Variants in SRGAP2 observed in about 807,000 individuals in gnomAD.
SRGAP2 encodes the protein SLIT-ROBO Rho GTPase-activating protein 2.
SRGAP2 carries 15 observed loss-of-function variants against 57.2 expected under a neutral mutation model. That is an observed-to-expected ratio of 0.26 (90% CI 0.18 to 0.40). The LOEUF (loss-of-function observed/expected upper bound fraction) is 0.40. Ranked by LOEUF, SRGAP2 falls within the 10% of genes least tolerant of loss-of-function variation. The pLI, the probability that SRGAP2 is intolerant of heterozygous loss-of-function variation, is 1.00. For synonymous variants in SRGAP2, 249 were observed against 248.0 expected, an observed-to-expected ratio of 1.00 and a Z score of -0.04; for missense variants, 520 against 669.6, an observed-to-expected ratio of 0.78 and a Z score of 2.47.
At chr1:206,281,286 GT>G (rs1197011213) in intron 2 of SRGAP2, among the ~76,000 whole-genome samples, 1 of 142,692 alleles carries the variant, frequency 7.0e-6, no homozygotes, top group Non-Finnish European at 1.5e-5. Context: ...TGGGATATGG[GT>G]TTTTTTTTCT....
At chr1:206,290,676 G>GT (rs1391363571) in intron 2 of SRGAP2, among the ~76,000 whole-genome samples, 5 of 148,396 alleles carry the variant, frequency 3.4e-5, no homozygotes, top group Admixed American at 3.4e-4. Flanking sequence ...AAGAAGAAAT[G>GT]TATGTAGTGC....
intron 2 of SRGAP2, among the ~76,000 whole-genome samples, chr1:206,279,231 C>A (rs1670586720): frequency 4.7e-5 from 2 of 42,940 alleles, no homozygotes; most frequent in Admixed American, 5.1e-4. Flanking sequence ...GCCCCCACCC[C>A]CCATTCTCTG....
intron 5 of SRGAP2, among the ~76,000 whole-genome samples, chr1:206,392,068 C>G (rs1174003880): frequency 2.0e-5 from 3 of 152,008 alleles, no homozygotes; most frequent in Non-Finnish European, 4.4e-5. Context: ...TGGTACTTGG[C>G]ATAAAGCCAG....
intron 3 of SRGAP2, among the ~76,000 whole-genome samples, chr1:206,322,542 T>C (rs1166319002): frequency 3.5e-5 from 5 of 142,496 alleles, no homozygotes; most frequent in Non-Finnish European, 7.6e-5. Flanking sequence ...ATCGTGCCAC[T>C]GCACTCCAGC....
intron 3 of SRGAP2, among the ~76,000 whole-genome samples, chr1:206,307,008 C>A (rs1672251857): frequency 3.3e-5 from 5 of 150,822 alleles, no homozygotes; most frequent in African/African-American, 1.2e-4. Flanking sequence ...TATTTACAAA[C>A]CTTGAGCTAG....
At chr1:206,418,120 A>T (rs1010600604) in intron 11 of SRGAP2, among the ~76,000 whole-genome samples, 3 of 152,056 alleles carry the variant, frequency 2.0e-5, no homozygotes, top group Admixed American at 6.6e-5. Flanking sequence ...AAAAAGCTAT[A>T]AATCTTTCTG....
intron 2 of SRGAP2, among the ~76,000 whole-genome samples, chr1:206,266,461 TTGGAC>T (rs1176630223): frequency 6.6e-6 from 1 of 152,218 alleles, no homozygotes; most frequent in Non-Finnish European, 1.5e-5. Flanking sequence ...CAGGATGGTC[TTGGAC>T]TCCTGACCTC....
intron 2 of SRGAP2, among the ~76,000 whole-genome samples, chr1:206,291,708 C>G (rs1295992436): frequency 1.3e-5 from 2 of 149,636 alleles, no homozygotes; most frequent in Non-Finnish European, 2.9e-5. Flanking sequence ...TATGTGATTA[C>G]TAGTAAATAT....
intron 12 of SRGAP2, among the ~76,000 whole-genome samples, chr1:206,421,047 T>A (rs1322876194): frequency 6.6e-6 from 1 of 152,244 alleles, no homozygotes; most frequent in African/African-American, 2.4e-5. Flanking sequence ...ATTGTGGAAG[T>A]AATTTATCAA....
intron 4 of SRGAP2, among the ~76,000 whole-genome samples, chr1:206,355,929 T>G (rs1676396008): frequency 6.6e-6 from 1 of 151,990 alleles, no homozygotes; most frequent in African/African-American, 2.4e-5. Context: ...ATTGTGCCAT[T>G]GCACTCCAGC....
At chr1:206,362,940 T>C (rs1434478038) in intron 4 of SRGAP2, among the ~76,000 whole-genome samples, 1 of 151,544 alleles carries the variant, frequency 6.6e-6, no homozygotes, top group Non-Finnish European at 1.5e-5. Context: ...GTGGGAGAAA[T>C]AGACATGCAC....
chr1:206,427,755 C>T (rs1211169607), intron 13 of SRGAP2, among the ~76,000 whole-genome samples: 4 of 152,208 alleles, frequency 2.6e-5, no homozygotes, highest in African/African-American at 9.6e-5. Flanking sequence ...TCGGTCCCCT[C>T]TCCCTGATCT....
At chr1:206,397,797 G>A (rs1157100255) in intron 7 of SRGAP2, among the ~76,000 whole-genome samples, 1 of 132,498 alleles carries the variant, frequency 7.5e-6, no homozygotes, top group Non-Finnish European at 1.6e-5. Context: ...TAGCTGGAGT[G>A]TTGTAAGTGC....
chr1:206,422,238 C>T (rs1193526898), intron 13 of SRGAP2, among the ~76,000 whole-genome samples: 4 of 152,222 alleles, frequency 2.6e-5, no homozygotes, highest in African/African-American at 9.7e-5. Flanking sequence ...GCTCATCTGA[C>T]TGCTCTGACA....
chr1:206,437,993 G>T lies in SRGAP2; in HGVS notation c.1663G>T (p.Asp555Tyr). 1.3e-6 allele frequency: 1 copy of T among 780,802 alleles called. No individual in the cohort carries two copies. The highest frequency in any genetic ancestry group is 1.3e-5 in the South Asian group (1 of 74,598). The allele number at this position is 780,802 out of a possible 1,614,324, so 48.4% of individuals were successfully genotyped here. Residue 555 changes from aspartate (D) to tyrosine (Y), a missense_variant, in exon 16 of 23, where the codon GAC becomes TAC. Coordinates refer to ENST00000573034, the MANE Select transcript of SRGAP2 (RefSeq NM_015326.5). ...GGACCCCCTGGCTGGGGACCAGAAC[G>T]ACCATGACATGGATTCCATAGCTGG... is the stretch of plus-strand genomic sequence containing the variant. The part of the protein sequence containing the change: ...GEDPLAGDQN[D>Y]HDMDSIAGVL...
At position 206,446,070 on chromosome 1, in the gene SRGAP2, T is replaced by G. The variant is rs376375314; in HGVS notation, c.1875-5T>G. ...CCAGCTTGCCCCCTTTCCCTTCTCC[T>G]CCAGTTTATCACAGTTCAGTGAAGA... On this transcript the variant is annotated splice_region_variant and splice_polypyrimidine_tract_variant and intron_variant, in intron 17 of 22. Coordinates refer to ENST00000573034, the MANE Select transcript of SRGAP2 (RefSeq NM_015326.5). 159 of 780,424 alleles carry G rather than the reference T, an allele frequency of 2.0e-4. No individual in the cohort carries two copies. The highest frequency in any genetic ancestry group is 3.4e-4 in the Non-Finnish European group (144 of 417,558). 48.3% of individuals were successfully genotyped at this position (780,424 alleles called of 1,614,324 possible). A position where few individuals can be genotyped will look rare whatever the true frequency, so the allele number is the denominator to read the frequency against.
chr1:206,294,880 A>T (rs1671502172), intron 2 of SRGAP2, among the ~76,000 whole-genome samples: 1 of 149,260 alleles, frequency 6.7e-6, no homozygotes, highest in Non-Finnish European at 1.5e-5. Context: ...TGGCCTTTGG[A>T]GCTATTCCTC....
chr1:206,461,617 T>C lies in SRGAP2; in HGVS notation c.*197T>C. On this transcript the variant is annotated 3_prime_UTR_variant, in exon 23 of 23. Coordinates refer to ENST00000573034, the MANE Select transcript of SRGAP2 (RefSeq NM_015326.5). ...CCTCTCCCTTCCCACTGCCCTCTGC[T>C]TCCCCCAGTCGTCGTAATTCAGCCA... 1.7e-6 allele frequency: 1 copy of C among 574,164 alleles called. No homozygotes were observed. Among genetic ancestry groups the C allele is most frequent in the Non-Finnish European group, 3.1e-6 (1 of 323,760 alleles). 35.6% of individuals were successfully genotyped at this position (574,164 alleles called of 1,614,324 possible).
intron 16 of SRGAP2, among the ~76,000 whole-genome samples, chr1:206,438,963 T>C (rs1553370975): frequency 1.3e-5 from 2 of 152,194 alleles, no homozygotes; most frequent in African/African-American, 2.4e-5. Flanking sequence ...TGGTTTGTTT[T>C]GTTGACTTCT....
Sources: gnomAD v4.1 joint callset for allele counts (sites outside exome capture counted in the v4.1 genomes callset) on GRCh38, gnomAD v4.1.1 for gene constraint, MANE v1.5 for transcripts, NCBI Gene and HGNC (gene_info 2026-07-23, HGNC 2026-07-21) for gene names.